Variants in EXOC2 observed in about 807,000 individuals in gnomAD.
EXOC2 encodes exocyst complex component 2.
EXOC2 carries 70 observed loss-of-function variants against 131.8 expected under a neutral mutation model. That is an observed-to-expected ratio of 0.53 (90% CI 0.44 to 0.65). The LOEUF is 0.65. Ranked by LOEUF, EXOC2 falls within the 30% of genes least tolerant of loss-of-function variation. The pLI is 0.00. For synonymous variants in EXOC2, 411 were observed against 398.4 expected (o/e 1.03, Z -0.38); for missense variants, 923 against 1,108.6 (o/e 0.83, Z 2.38).
intron 25 of EXOC2, among the ~76,000 whole-genome samples, chr6:495,463 G>A (rs1581294974): frequency 6.6e-6 from 1 of 152,154 alleles, no homozygotes; most frequent in Admixed American, 6.6e-5. Context: ...TCGAACCCAT[G>A]GTGAACATTC....
chr6:621,421 G>C (rs559638345), intron 4 of EXOC2, among the ~76,000 whole-genome samples: 1 of 152,356 alleles, frequency 6.6e-6, no homozygotes, highest in South Asian at 2.1e-4. Flanking sequence ...TGCAAAACCA[G>C]ATCTCGAGGA....
chr6:492,631 G>A (rs1332218792), intron 25 of EXOC2, among the ~76,000 whole-genome samples: 1 of 152,172 alleles, frequency 6.6e-6, no homozygotes, highest in Non-Finnish European at 1.5e-5. Flanking sequence ...TACGCTACAT[G>A]AAAGAAGCCA....
At chr6:512,955 T>C (rs1202570774) in intron 23 of EXOC2, among the ~76,000 whole-genome samples, 1 of 152,228 alleles carries the variant, frequency 6.6e-6, no homozygotes, top group Non-Finnish European at 1.5e-5. Context: ...AATAAATCCA[T>C]GAGGTTTTCA....
intron 1 of EXOC2, among the ~76,000 whole-genome samples, chr6:687,099 T>C (rs1361875711): frequency 2.6e-5 from 4 of 151,366 alleles, no homozygotes; most frequent in Non-Finnish European, 5.9e-5. Flanking sequence ...GAAAAAAAGA[T>C]GTCAGGGTTT....
chr6:553,809 A>C, intron 21 of EXOC2, 45 bp downstream of exon 21: 1 of 1,525,470 alleles, frequency 6.6e-7, no homozygotes, highest in South Asian at 1.1e-5. Context: ...AATTGTTGTT[A>C]CACAGTTTTA....
rs188637406 is a variant in EXOC2, at chr6:616,067, C to T, written c.661+1644G>A. Among the ~76,000 whole-genome samples the T allele has an allele frequency of 1.4e-4, 21 of 152,276 alleles. No homozygotes were observed. The East Asian group carries it at 3.7e-3, about 27-fold the overall frequency. On this transcript the variant is annotated intron_variant, in intron 6 of 27. Transcript: ENST00000230449. Reference sequence around the variant, plus strand: ...AACAGAAAAGTAAAAACAACTTACCCGAGCAACTTTACATATCAGCTCTGT... The same window carrying T: ...AACAGAAAAGTAAAAACAACTTACCTGAGCAACTTTACATATCAGCTCTGT...
chr6:489,817 A>G (rs1292704552), intron 26 of EXOC2, among the ~76,000 whole-genome samples: 1 of 152,188 alleles, frequency 6.6e-6, no homozygotes, highest in Non-Finnish European at 1.5e-5. Context: ...TCCTCAATCT[A>G]CCAGGAAATA....
At chr6:572,490 C>G (rs962966097) in intron 13 of EXOC2, 30 bp downstream of exon 13, 1 of 1,588,710 alleles carries the variant, frequency 6.3e-7, no homozygotes, top group Admixed American at 1.9e-5. Context: ...GGTGACTCAG[C>G]TCCACCTCTA....
chr6:537,587 G>T (rs1766546051), intron 22 of EXOC2, among the ~76,000 whole-genome samples: 1 of 152,200 alleles, frequency 6.6e-6, no homozygotes, highest in Non-Finnish European at 1.5e-5. Context: ...ACCAGCTATT[G>T]TACTTCAAGG....
chr6:653,253 A>C (rs2127741655), intron 1 of EXOC2, among the ~76,000 whole-genome samples: 1 of 152,358 alleles, frequency 6.6e-6, no homozygotes. Flanking sequence ...TCTCACTGTA[A>C]ATCAAAAGCT....
intron 5 of EXOC2, among the ~76,000 whole-genome samples, chr6:619,011 T>C (rs1023512681): frequency 6.6e-6 from 1 of 152,214 alleles, no homozygotes. Flanking sequence ...GGTCCTTACA[T>C]GATGATAAAC....
intron 17 of EXOC2, among the ~76,000 whole-genome samples, chr6:560,768 C>T (rs898113789): frequency 2.0e-5 from 3 of 150,984 alleles, no homozygotes; most frequent in Admixed American, 6.6e-5. Context: ...AGTGCAATGG[C>T]GCGGTCTCGG....
At chr6:526,601 C>T (rs1013441429) in intron 23 of EXOC2, among the ~76,000 whole-genome samples, 4 of 151,666 alleles carry the variant, frequency 2.6e-5, no homozygotes, top group Admixed American at 1.3e-4. Flanking sequence ...CCACCGTGCC[C>T]GGTTAATTTT....
At chr6:643,841 T>C (rs1762465062) in intron 1 of EXOC2, among the ~76,000 whole-genome samples, 1 of 151,996 alleles carries the variant, frequency 6.6e-6, no homozygotes, top group African/African-American at 2.4e-5. Context: ...ATTTCAGTAA[T>C]GAAAGAGGGA....
intron 18 of EXOC2, 99 bp downstream of exon 18, chr6:556,385 G>T: frequency 8.3e-7 from 1 of 1,204,828 alleles, no homozygotes; most frequent in Non-Finnish European, 1.2e-6. Flanking sequence ...CAGGCGAAGA[G>T]GGAGAAAAGA....
intron 10 of EXOC2, 150 bp downstream of exon 10, chr6:597,871 G>A (rs4960092): frequency 0.79 from 461,813 of 582,140 alleles, 183,633 homozygotes; most frequent in Middle Eastern, 0.87. Flanking sequence ...GATGTCCTAC[G>A]CCAGATAACC....
At chr6:639,091 C>A (rs918564422) in intron 1 of EXOC2, among the ~76,000 whole-genome samples, 2 of 152,120 alleles carry the variant, frequency 1.3e-5, no homozygotes, top group Non-Finnish European at 2.9e-5. Context: ...CTGGCCCCTG[C>A]CTCCATCCTT....
intron 13 of EXOC2, among the ~76,000 whole-genome samples, chr6:571,468 A>G (rs537093589): frequency 1.1e-4 from 17 of 152,338 alleles, no homozygotes; most frequent in African/African-American, 3.8e-4. Context: ...TCAAATATAC[A>G]AAGAAAAAAG....
chr6:572,436 T>TA (rs747818622), intron 13 of EXOC2, 84 bp downstream of exon 13: 167 of 1,506,388 alleles, frequency 1.1e-4, no homozygotes, highest in Non-Finnish European at 1.4e-4. Context: ...CTCTACATTT[T>TA]AAAAAATCAC....
Sources: allele counts gnomAD v4.1 joint callset (sites outside exome capture counted in the v4.1 genomes callset), GRCh38; gene constraint gnomAD v4.1.1; transcripts MANE v1.5; gene names NCBI Gene and HGNC (gene_info 2026-07-23, HGNC 2026-07-21).